Variants in ATP2A1 observed in about 807,000 individuals in gnomAD.
ATP2A1 encodes ATPase sarcoplasmic/endoplasmic reticulum Ca2+ transporting 1, also known as sarcoplasmic/endoplasmic reticulum calcium ATPase 1.
ATP2A1 carries 83 observed loss-of-function variants against 109.5 expected under a neutral mutation model. The observed-to-expected ratio is 0.76, with a 90% CI of 0.63 to 0.91. ATP2A1 has a LOEUF of 0.91. Ranked by LOEUF, ATP2A1 falls within the 40% of genes least tolerant of loss-of-function variation. The probability of loss-of-function intolerance (pLI) is 0.00; values close to 1 mark genes in which losing one functional copy is unlikely to be tolerated. For missense variants in ATP2A1, 1,101 were observed against 1,341.0 expected, an observed-to-expected ratio of 0.82 and a Z score of 2.80; for synonymous variants, 505 against 537.6, an observed-to-expected ratio of 0.94 and a Z score of 0.84.
rs1449469340 is a variant in ATP2A1 at position 28,884,631 on chromosome 16, C to T, written c.520C>T (p.Arg174Trp). 4 of 1,609,036 alleles carry T rather than the reference C, an allele frequency of 2.5e-6. No individual in the cohort carries two copies. Among genetic ancestry groups the T allele is most frequent in the African/African-American group, 1.3e-5 (1 of 74,732 alleles). ...CCTCGCCATCAAATCCACCACGCTGCGGGTTGACCAGTCCATCCTGACAGG... is the reference window on the plus strand; with the variant it reads ...CCTCGCCATCAAATCCACCACGCTGTGGGTTGACCAGTCCATCCTGACAGG... ...RILAIKSTTL[R>W]VDQSILTGES... The change falls in exon 6 of 23, where the codon CGG (arginine) becomes TGG (tryptophan). Residue 174 changes from arginine (R) to tryptophan (W), a missense_variant. Arg to Trp is a moderately radical substitution (Grantham distance 101). Transcript: ENST00000395503.
chr16:28,900,173 T>A (rs1964031603), intron 14 of ATP2A1, among the ~76,000 whole-genome samples: 1 of 151,532 alleles, frequency 6.6e-6, no homozygotes, highest in African/African-American at 2.4e-5. Flanking sequence ...TGTTGGTGCA[T>A]GCCTGTAGTC....
intron 6 of ATP2A1, among the ~76,000 whole-genome samples, chr16:28,885,776 C>T (rs1237572601): frequency 2.0e-5 from 3 of 152,100 alleles, no homozygotes; most frequent in Admixed American, 1.3e-4. Context: ...ACAGACACCT[C>T]GAGAACTGTC....
chr16:28,879,154 AC>A (rs752210009), intron 2 of ATP2A1, 38 bp downstream of exon 2: 5 of 1,608,522 alleles, frequency 3.1e-6, no homozygotes, highest in South Asian at 2.2e-5. Context: ...ATAAATGACC[AC>A]CCCCCACCCC....
At chr16:28,893,795 G>A (rs1289122752) in intron 9 of ATP2A1, among the ~76,000 whole-genome samples, 18 of 151,734 alleles carry the variant, frequency 1.2e-4, no homozygotes, top group South Asian at 4.2e-4. Flanking sequence ...GATTACAGGC[G>A]CGCACCACCA....
Position 28,888,947 on chromosome 16 carries a change from C to G in ATP2A1, c.1089C>G (p.Val363=). The G allele has an allele frequency of 6.2e-7, 1 of 1,614,124 alleles. No individual in the cohort carries two copies. Among genetic ancestry groups the G allele is most frequent in the Non-Finnish European group, 8.5e-7 (1 of 1,180,004 alleles). ...CCCTCACCACCAACCAGATGTCTGT[C>G]TGCAAGGTCAGGAGCAGTGTGGGCA... ...TGTLTTNQMS[V]CKMFIIDKVD... Residue 363 remains valine (V), a synonymous_variant, in exon 9 of 23, where the codon GTC becomes GTG. Transcript: ENST00000395503.
chr16:28,900,471 C>CA, intron 14 of ATP2A1, 110 bp from the exon 15 acceptor site: 3 of 932,370 alleles, frequency 3.2e-6, no homozygotes, highest in East Asian at 3.0e-5. Flanking sequence ...CTTCCCACCC[C>CA]TCCCCACCAC....
chr16:28,884,687 G>T (rs1963572127), intron 6 of ATP2A1, 32 bp downstream of exon 6: 1 of 1,588,312 alleles, frequency 6.3e-7, no homozygotes, highest in Non-Finnish European at 8.6e-7. Context: ...GATGCATGGG[G>T]GTGGGACGTG....
chr16:28,903,257 T>C lies in ATP2A1; in HGVS notation c.2863-66T>C. The C allele has an allele frequency of 1.3e-6, 2 of 1,566,646 alleles. No homozygotes were observed. The highest frequency in any genetic ancestry group is 1.8e-6 in the Non-Finnish European group (2 of 1,137,602). ...ATGTGGGAGGCTGGTGGGAGTGGGC[T>C]GGGCAGTGCTGGTCTCTGGCTCCCT... On this transcript the variant is annotated intron_variant, in intron 20 of 22. Transcript: ENST00000395503. The surrounding 1 kb of genome is among the most constrained non-coding windows in gnomAD (Gnocchi z 5.6).
Position 28,878,538 on chromosome 16 carries a change from A to C in ATP2A1, c.-134A>C, listed in dbSNP as rs1420683170. 2 of 824,722 alleles carry C rather than the reference A, an allele frequency of 2.4e-6. No individual in the cohort carries two copies. Among genetic ancestry groups the C allele is most frequent in the Middle Eastern group, 2.2e-4 (1 of 4,552 alleles). 51.1% of individuals were successfully genotyped at this position (824,722 alleles called of 1,614,324 possible). A position where few individuals can be genotyped will look rare whatever the true frequency, so the allele number is the denominator to read the frequency against. On this transcript the variant is annotated 5_prime_UTR_variant, in exon 1 of 23. Transcript: ENST00000395503. ...GTCAGAGCTTTGTGGAGGGAAGAAA[A>C]ACCTGGAGGGGGCAGGAGAGTAAAA...
Position 28,904,000 on chromosome 16 carries a change from T to C in ATP2A1, c.*38-180T>C, listed in dbSNP as rs925552612. ...TGCGCTGGCTGTGTGCTGGGCTGTCTTTGCTGTGGGGCTGCAGTGGGGGGG... is the reference window on the plus strand; with the variant it reads ...TGCGCTGGCTGTGTGCTGGGCTGTCCTTGCTGTGGGGCTGCAGTGGGGGGG... On this transcript the variant is annotated intron_variant, in intron 22 of 22. Transcript: ENST00000395503. The surrounding 1 kb of genome is among the most constrained non-coding windows in gnomAD (Gnocchi z 5.6). Among the ~76,000 whole-genome samples the C allele has an allele frequency of 6.7e-6, 1 of 149,978 alleles. No homozygotes were observed. The highest frequency in any genetic ancestry group is 1.5e-5 in the Non-Finnish European group (1 of 67,510).
At chr16:28,892,380 A>G (rs1365947028) in intron 9 of ATP2A1, 1 of 392,748 alleles carries the variant, frequency 2.5e-6, no homozygotes, top group Non-Finnish European at 5.2e-6. Flanking sequence ...GACTACACCC[A>G]TGAACTAGAA....
chr16:28,903,365 A>T lies in ATP2A1; in HGVS notation c.2905A>T (p.Met969Leu). ...LRALDLTQWL[M>L]VLKISLPVIG... Reference sequence around the variant, plus strand: ...GGCCCTGGACCTCACCCAGTGGCTCATGGTCCTCAAGATCTCACTGCCAGT... The same window carrying T: ...GGCCCTGGACCTCACCCAGTGGCTCTTGGTCCTCAAGATCTCACTGCCAGT... Residue 969 changes from methionine to leucine, a missense_variant, in exon 21 of 23, where the codon ATG becomes TTG. Physicochemically the swap from Met to Leu is conservative, Grantham distance 15. Transcript: ENST00000395503. The surrounding 1 kb of genome is among the most constrained non-coding windows in gnomAD (Gnocchi z 5.6). 1 of 1,613,900 alleles carries T rather than the reference A, an allele frequency of 6.2e-7. No homozygotes were observed. Among genetic ancestry groups the T allele is most frequent in the South Asian group, 1.1e-5 (1 of 91,082 alleles).
At chr16:28,884,716 G>T (rs1199439303) in intron 6 of ATP2A1, 61 bp downstream of exon 6, 2 of 1,469,298 alleles carry the variant, frequency 1.4e-6, no homozygotes, top group East Asian at 2.3e-5. Flanking sequence ...GAGGCAACAA[G>T]GGGGAGGTGA....
Position 28,889,034 on chromosome 16 carries a change from C to T in ATP2A1, c.1095+81C>T. The T allele has an allele frequency of 2.6e-6, 4 of 1,563,732 alleles. No individual in the cohort carries two copies. The South Asian group carries it at 4.4e-5, about 17-fold the overall frequency. ...TGGGCCCTCCAAAGATAGAGGTCTC[C>T]CTTCATCACTGCTGGCTTCTCATCT... On this transcript the variant is annotated intron_variant, in intron 9 of 22. Transcript: ENST00000395503.
intron 22 of ATP2A1, 121 bp from the exon 23 acceptor site, chr16:28,904,059 A>G: frequency 1.1e-6 from 1 of 948,712 alleles, no homozygotes; most frequent in Non-Finnish European, 1.7e-6. Flanking sequence ...TGAGTAGGGG[A>G]GAAACTGGCA....
intron 14 of ATP2A1, 75 bp from the exon 15 acceptor site, chr16:28,900,499 CATCCCCA>C: frequency 7.7e-7 from 1 of 1,302,444 alleles, no homozygotes; most frequent in Non-Finnish European, 1.0e-6. Context: ...CCTTTCACCC[CATCCCCA>C]CCCCCCACCA....
chr16:28,888,322 C>T (rs915089945), intron 8 of ATP2A1, among the ~76,000 whole-genome samples: 12 of 151,868 alleles, frequency 7.9e-5, no homozygotes, highest in African/African-American at 2.9e-4. Flanking sequence ...TGTGAGCCAC[C>T]ACGCCTGGCC....
chr16:28,894,726 G>A (rs1026657443), intron 11 of ATP2A1, 96 bp from the exon 12 acceptor site: 57 of 1,599,770 alleles, frequency 3.6e-5, no homozygotes, highest in Non-Finnish European at 4.8e-5. Context: ...TGCAAGGGAG[G>A]CAGTGGTTTG....
In ATP2A1 at chr16:28,878,526, G is replaced by A. The variant is rs1168677873; in HGVS notation, c.-146G>A. On this transcript the variant is annotated 5_prime_UTR_variant, in exon 1 of 23. Transcript: ENST00000395503. ...AGTGGGACGGGGGTCAGAGCTTTGT[G>A]GAGGGAAGAAAAACCTGGAGGGGGC... 1.3e-6 allele frequency: 1 copy of A among 766,234 alleles called. No homozygotes were observed. The highest frequency in any genetic ancestry group is 1.7e-5 in the African/African-American group (1 of 58,082). 47.5% of individuals were successfully genotyped at this position (766,234 alleles called of 1,614,324 possible). A position where few individuals can be genotyped will look rare whatever the true frequency, so the allele number is the denominator to read the frequency against.
Sources: gnomAD v4.1 joint callset for allele counts (sites outside exome capture counted in the v4.1 genomes callset) on GRCh38, gnomAD v4.1.1 for gene constraint, Gnocchi (gnomAD v3.1) non-coding constraint, MANE v1.5 for transcripts, NCBI Gene and HGNC (gene_info 2026-07-23, HGNC 2026-07-21) for gene names.